Variants in ANAPC15 observed in about 807,000 individuals in gnomAD.
ANAPC15 encodes the protein anaphase promoting complex subunit 15, also known as anaphase-promoting complex subunit 15.
Under a neutral mutation model 19.8 loss-of-function variants are expected in ANAPC15, and 13 were observed. That is an observed-to-expected ratio of 0.66 (90% confidence interval 0.43 to 1.04). The LOEUF is 1.04. Ranked by LOEUF, ANAPC15 falls within the 50% of genes least tolerant of loss-of-function variation. The pLI is 0.00. For synonymous variants in ANAPC15, 45 were observed against 50.7 expected, an observed-to-expected ratio of 0.89 and a Z score of 0.47; for missense variants, 88 against 150.3, an observed-to-expected ratio of 0.59 and a Z score of 2.17.
At chr11:72,110,428 T>C in intron 4 of ANAPC15, 116 bp downstream of exon 4, 1 of 1,541,120 alleles carries the variant, frequency 6.5e-7, no homozygotes. Flanking sequence ...TTTTAGGCTT[T>C]TACCCAGATC....
downstream of ANAPC15, among the ~76,000 whole-genome samples, chr11:72,108,299 G>A (rs186459383): frequency 8.6e-4 from 131 of 152,314 alleles, 1 homozygote; most frequent in Non-Finnish European, 1.5e-3. Context: ...ATTTTCTGCC[G>A]GATGACGAAA....
chr11:72,110,094 G>A lies in ANAPC15; in HGVS notation c.312C>T (p.Val104=). Residue 104 remains valine, a synonymous_variant, in exon 5 of 6, where the codon GTC becomes GTT. Transcript: ENST00000227618. ...DYNESPDDGE[V]NEVDMEGNEQ... ...CCCCATACCCCTTGCCTACCTCATT[G>A]ACCTCTCCATCATCCGGTGACTCAT... 6.2e-7 allele frequency: 1 copy of A among 1,614,144 alleles called. No individual in the cohort carries two copies.
Position 72,110,403 on chromosome 11 carries a change from C to T in ANAPC15, c.180+141G>A. ...CCTTAATGCTAGGCCCAATGCCCACCCCTTCTATCTCCCCTTTTAGGCTTT... is the reference window on the plus strand; with the variant it reads ...CCTTAATGCTAGGCCCAATGCCCACTCCTTCTATCTCCCCTTTTAGGCTTT... On this transcript the variant is annotated intron_variant, in intron 4 of 5. Coordinates refer to ENST00000227618, the MANE Select transcript of ANAPC15 (RefSeq NM_014042.3). The T allele has an allele frequency of 3.3e-6, 5 of 1,504,454 alleles. No individual in the cohort carries two copies. In the African/African-American group the frequency reaches 5.5e-5, roughly 17 times the overall value. The allele number at this position is 1,504,454 out of a possible 1,614,324, so 93.2% of individuals were successfully genotyped here. A position where few individuals can be genotyped will look rare whatever the true frequency, so the allele number is the denominator to read the frequency against.
intron 3 of ANAPC15, 77 bp from the exon 4 acceptor site, chr11:72,110,680 C>T (rs995625058): frequency 2.5e-5 from 38 of 1,530,690 alleles, no homozygotes; most frequent in Non-Finnish European, 3.3e-5. Context: ...GCCCATTCTG[C>T]CCAGAAGACA....
At chr11:72,107,452 T>C (rs1375378606), downstream of ANAPC15, 1 of 702,902 alleles carries the variant, frequency 1.4e-6, no homozygotes, top group South Asian at 1.5e-5. Flanking sequence ...AAGTTCTGAG[T>C]TGGCCAGGCA....
At chr11:72,107,804 C>A, downstream of ANAPC15, 1 of 1,101,730 alleles carries the variant, frequency 9.1e-7, no homozygotes, top group Non-Finnish European at 1.3e-6. Context: ...GTACAAGAGA[C>A]AGATGAGACC....
chr11:72,110,508 G>GC (rs750009295), intron 4 of ANAPC15, 36 bp downstream of exon 4: 2 of 1,612,898 alleles, frequency 1.2e-6, no homozygotes, highest in Admixed American at 3.3e-5. Context: ...GTCCACTGCG[G>GC]CCCCCACACA....
chr11:72,112,315 G>A (rs907426724), intron 1 of ANAPC15: 5 of 164,190 alleles, frequency 3.0e-5, no homozygotes, highest in African/African-American at 7.2e-5. Flanking sequence ...TTACGATAAT[G>A]ACCATGCAGT....
At chr11:72,111,087 G>T in intron 3 of ANAPC15, 70 bp downstream of exon 3, 1 of 1,082,372 alleles carries the variant, frequency 9.2e-7, no homozygotes, top group Non-Finnish European at 1.4e-6. Context: ...GAGTAAGGCT[G>T]GGTCATGGCC....
chr11:72,107,737 G>T (rs1945828838), downstream of ANAPC15: 4 of 635,216 alleles, frequency 6.3e-6, no homozygotes, highest in South Asian at 3.8e-5. Flanking sequence ...AGATTCCAGG[G>T]CTGGTGTGAA....
chr11:72,109,877 C>T lies in ANAPC15; in HGVS notation c.*4G>A. 1 of 1,613,598 alleles carries T rather than the reference C, an allele frequency of 6.2e-7. No homozygotes were observed. The highest frequency in any genetic ancestry group is 1.1e-5 in the South Asian group (1 of 91,048). ...TCTCCCTGAGGCCACCCTGCCTTGT[C>T]TACCTAGATCATCCACTGGTCCTGA... is the stretch of plus-strand genomic sequence containing the variant. On this transcript the variant is annotated 3_prime_UTR_variant, in exon 6 of 6. Coordinates refer to ENST00000227618, the MANE Select transcript of ANAPC15 (RefSeq NM_014042.3).
downstream of ANAPC15, chr11:72,109,151 T>C: frequency 1.8e-6 from 1 of 559,596 alleles, no homozygotes; most frequent in Non-Finnish European, 3.2e-6. Context: ...GAGAGAACCA[T>C]GGACTGACAG....
Position 72,109,830 on chromosome 11 carries a change from G to A in ANAPC15, c.*51C>T. 1 of 1,607,868 alleles carries A rather than the reference G, an allele frequency of 6.2e-7. No individual in the cohort carries two copies. Among genetic ancestry groups the A allele is most frequent in the Non-Finnish European group, 8.5e-7 (1 of 1,175,964 alleles). On this transcript the variant is annotated 3_prime_UTR_variant, in exon 6 of 6. Transcript: ENST00000227618. Reference sequence around the variant, plus strand: ...GCAGGGGTTGGGGGTTGGGATGCAGGGTAGTTTGGGCTGGCCTGGAATCTC... The same window carrying A: ...GCAGGGGTTGGGGGTTGGGATGCAGAGTAGTTTGGGCTGGCCTGGAATCTC...
downstream of ANAPC15, chr11:72,107,823 T>C (rs997912086): frequency 4.6e-5 from 62 of 1,335,912 alleles, no homozygotes; most frequent in Non-Finnish European, 4.2e-5. Context: ...CCCCGGCTGG[T>C]TGGGAGCTGC....
At chr11:72,110,357 G>A in intron 4 of ANAPC15, 132 bp from the exon 5 acceptor site, 2 of 1,556,684 alleles carry the variant, frequency 1.3e-6, no homozygotes, top group Non-Finnish European at 1.7e-6. Flanking sequence ...AGTCTAGCAG[G>A]CTGGTGCATG....
downstream of ANAPC15, chr11:72,107,241 T>C: frequency 1.7e-6 from 1 of 588,498 alleles, no homozygotes. Context: ...CACTCCAGCC[T>C]GGGCAACACA....
downstream of ANAPC15, chr11:72,107,967 G>C (rs1188631490): frequency 1.9e-6 from 3 of 1,551,724 alleles, no homozygotes; most frequent in South Asian, 2.4e-5. Flanking sequence ...CCCTGCTTGT[G>C]TGCTGGAATT....
downstream of ANAPC15, chr11:72,108,953 G>GCCCACC (rs759862161): frequency 4.7e-6 from 7 of 1,475,230 alleles, no homozygotes; most frequent in East Asian, 7.5e-5. Flanking sequence ...ACTTACTGAT[G>GCCCACC]CCCACCCCCA....
At chr11:72,110,703 T>TCTC in intron 3 of ANAPC15, 100 bp from the exon 4 acceptor site, 1 of 1,302,248 alleles carries the variant, frequency 7.7e-7, no homozygotes. Context: ...CCACACGTGT[T>TCTC]GGGGAGAAGC....
Sources: allele counts gnomAD v4.1 joint callset (sites outside exome capture counted in the v4.1 genomes callset), GRCh38; gene constraint gnomAD v4.1.1; transcripts MANE v1.5; gene names NCBI Gene and HGNC (gene_info 2026-07-23, HGNC 2026-07-21).